The following CCDC88A variants were observed in gnomAD, a reference collection of about 807,000 sequenced individuals.
CCDC88A encodes girdin.
A neutral mutation model predicts 234.3 loss-of-function variants in CCDC88A; 54 were observed. The ratio of observed to expected loss-of-function variants is 0.23; its 90% confidence interval spans 0.19 to 0.29. CCDC88A has a LOEUF of 0.29. CCDC88A is among the 10% of genes least tolerant of loss of function. CCDC88A has a pLI of 1.00. For missense variants in CCDC88A, 1,832 were observed against 2,123.4 expected, an observed-to-expected ratio of 0.86 and a Z score of 2.70; for synonymous variants, 753 against 737.8, an observed-to-expected ratio of 1.02 and a Z score of -0.33.
At chr2:55,385,690 T>C (rs932205897) in intron 3 of CCDC88A, among the ~76,000 whole-genome samples, 1 of 149,038 alleles carries the variant, frequency 6.7e-6, no homozygotes, top group African/African-American at 2.5e-5. Context: ...ACACCTCTCA[T>C]AAAAATACAA....
intron 22 of CCDC88A, among the ~76,000 whole-genome samples, chr2:55,314,842 C>T (rs1426072245): frequency 6.6e-6 from 1 of 152,140 alleles, no homozygotes; most frequent in Non-Finnish European, 1.5e-5. Context: ...AACCACTATC[C>T]CTTCCCACCA....
intron 2 of CCDC88A, among the ~76,000 whole-genome samples, chr2:55,415,927 G>T (rs1481369326): frequency 1.5e-4 from 23 of 151,868 alleles, no homozygotes; most frequent in Non-Finnish European, 1.5e-5. Flanking sequence ...CAAGATTTTT[G>T]TATTTAATGG....
chr2:55,400,877 G>C (rs1678499663), intron 2 of CCDC88A, among the ~76,000 whole-genome samples: 1 of 152,102 alleles, frequency 6.6e-6, no homozygotes, highest in African/African-American at 2.4e-5. Flanking sequence ...ATAAATTTTT[G>C]AGATAATTTA....
intron 28 of CCDC88A, 58 bp from the exon 29 acceptor site, chr2:55,299,977 G>T: frequency 1.8e-6 from 2 of 1,102,814 alleles, no homozygotes; most frequent in Non-Finnish European, 2.8e-6. Flanking sequence ...ATGCTGATGA[G>T]CTTTTACATT....
At chr2:55,321,472 A>G (rs1683624456) in intron 18 of CCDC88A, among the ~76,000 whole-genome samples, 1 of 151,768 alleles carries the variant, frequency 6.6e-6, no homozygotes, top group South Asian at 2.1e-4. Flanking sequence ...AATGGGGTGA[A>G]CCTGGGAGGC....
chr2:55,393,136 T>A (rs1676918472), intron 2 of CCDC88A, among the ~76,000 whole-genome samples: 1 of 151,988 alleles, frequency 6.6e-6, no homozygotes, highest in East Asian at 1.9e-4. Context: ...AATTTTAAAA[T>A]CTCCCCACAG....
At position 55,336,627 on chromosome 2, in the gene CCDC88A, CTT is replaced by C. The variant is rs1457956255; in HGVS notation, c.1656+52_1656+53del. The C allele has an allele frequency of 5.3e-6, 6 of 1,129,458 alleles. No individual in the cohort carries two copies. In the African/African-American group the frequency reaches 9.8e-5, roughly 18 times the overall value. 70.0% of individuals were successfully genotyped at this position (1,129,458 alleles called of 1,614,324 possible). ...TTTTGTTTGCATATATTTTAAATAA[CTT>C]TTGCTAATAAATTTTAAAATACATT... is the stretch of plus-strand genomic sequence containing the variant. On this transcript the variant is annotated intron_variant, in intron 14 of 32. Coordinates refer to ENST00000436346, the MANE Select transcript of CCDC88A (RefSeq NM_001365480.1).
rs1257433347 is a variant in CCDC88A, at chr2:55,289,893, A to G, written c.*1307T>C. On this transcript the variant is annotated 3_prime_UTR_variant, in exon 33 of 33. Transcript: ENST00000436346. ...ATGGAATTATTCCAAAAAGTTCTTC[A>G]GAGCTGGTAATGAAAGCCTAAGAAG... The G allele has an allele frequency of 6.6e-6, 1 of 152,522 alleles. No homozygotes were observed. Among genetic ancestry groups the G allele is most frequent in the Non-Finnish European group, 1.5e-5 (1 of 67,984 alleles). The allele number at this position is 152,522 out of a possible 1,614,324, so 9.4% of individuals were successfully genotyped here. A position where few individuals can be genotyped will look rare whatever the true frequency, so the allele number is the denominator to read the frequency against.
chr2:55,381,552 C>CAA (rs5831359), intron 3 of CCDC88A, among the ~76,000 whole-genome samples: 72,256 of 93,672 alleles, frequency 0.77, 28,487 homozygotes, highest in Admixed American at 0.86. Context: ...GACCCTGTCT[C>CAA]AAAAAAAAAA....
Position 55,332,420 on chromosome 2 carries a change from C to A in CCDC88A, c.2855+146G>T. ...TATAGGTGTGAGCCACCGCACCCGG[C>A]TACAGAACTTTCCTTAAGGGAAGGA... is the stretch of plus-strand genomic sequence containing the variant. On this transcript the variant is annotated intron_variant, in intron 16 of 32. Transcript: ENST00000436346. The surrounding 1 kb of genome is among the most constrained non-coding windows in gnomAD (Gnocchi z 4.5). 7.5e-7 allele frequency: 1 copy of A among 1,333,740 alleles called. No individual in the cohort carries two copies. Among genetic ancestry groups the A allele is most frequent in the Non-Finnish European group, 9.6e-7 (1 of 1,040,734 alleles). 82.6% of individuals were successfully genotyped at this position (1,333,740 alleles called of 1,614,324 possible). A position where few individuals can be genotyped will look rare whatever the true frequency, so the allele number is the denominator to read the frequency against.
Position 55,339,638 on chromosome 2 carries a change from T to C in CCDC88A, c.1344A>G (p.Lys448=), listed in dbSNP as rs1459035474. The change falls in exon 13 of 33, where the codon AAA becomes AAG. Residue 448 remains lysine (K), a synonymous_variant. Transcript: ENST00000436346. ...RTSELSEAPQ[K]SLGHEVNELT... is the part of the protein sequence containing the mutation. ...ACTCATTCACCTCATGGCCCAGGGA[T>C]TTCTGGGGTGCTATAATATTGAAAA... The C allele has an allele frequency of 6.2e-7, 1 of 1,603,174 alleles. No individual in the cohort carries two copies. The highest frequency in any genetic ancestry group is 1.1e-5 in the South Asian group (1 of 88,426).
chr2:55,388,469 T>C (rs1021170932), intron 3 of CCDC88A: 15 of 162,878 alleles, frequency 9.2e-5, no homozygotes, highest in African/African-American at 3.6e-4. Context: ...GGAAGTACAC[T>C]TTTCAAAGGC....
intron 2 of CCDC88A, among the ~76,000 whole-genome samples, chr2:55,389,462 G>A (rs947905924): frequency 1.3e-5 from 2 of 152,086 alleles, no homozygotes; most frequent in Non-Finnish European, 2.9e-5. Context: ...GGGAAATTGC[G>A]GCACCTCCAC....
intron 2 of CCDC88A, among the ~76,000 whole-genome samples, chr2:55,403,015 A>G (rs1307563587): frequency 6.6e-6 from 1 of 152,150 alleles, no homozygotes; most frequent in Non-Finnish European, 1.5e-5. Flanking sequence ...TCTAAAAAAA[A>G]AAAACCACAT....
chr2:55,418,668 T>C (rs751571086), intron 2 of CCDC88A, 148 bp downstream of exon 2: 1 of 649,386 alleles, frequency 1.5e-6, no homozygotes, highest in Non-Finnish European at 2.7e-6. Flanking sequence ...GCCCATAACA[T>C]TAGCATTCCT....
chr2:55,417,897 C>G (rs1681744917), intron 2 of CCDC88A: 1 of 151,928 alleles, frequency 6.6e-6, no homozygotes, highest in Non-Finnish European at 1.5e-5. Context: ...CAAACTACCT[C>G]TTCTCATCAG....
intron 7 of CCDC88A, among the ~76,000 whole-genome samples, chr2:55,357,751 T>C (rs1670784194): frequency 6.6e-6 from 1 of 152,144 alleles, no homozygotes; most frequent in Non-Finnish European, 1.5e-5. Flanking sequence ...ATTCATTTCT[T>C]TATCCTCACA....
intron 2 of CCDC88A, among the ~76,000 whole-genome samples, chr2:55,400,191 C>G (rs1256268533): frequency 6.6e-6 from 1 of 152,016 alleles, no homozygotes; most frequent in Non-Finnish European, 1.5e-5. Context: ...TTATCAGGCT[C>G]TTTTTGAAAG....
chr2:55,306,419 T>C lies in CCDC88A; in HGVS notation c.4387+2390A>G, dbSNP rs939560929. On this transcript the variant is annotated intron_variant, in intron 25 of 32. Coordinates refer to ENST00000436346, the MANE Select transcript of CCDC88A (RefSeq NM_001365480.1). Reference sequence around the variant, plus strand: ...AATTTTATGTGGGGATATAGAATTATAAAACTGCTTGACACACACACACAC... The same window carrying C: ...AATTTTATGTGGGGATATAGAATTACAAAACTGCTTGACACACACACACAC... Among the ~76,000 whole-genome samples, 10 of 152,268 alleles carry C rather than the reference T, an allele frequency of 6.6e-5. No individual in the cohort carries two copies. The East Asian group carries it at 1.9e-3, about 29-fold the overall frequency.
Sources: allele counts gnomAD v4.1 joint callset (sites outside exome capture counted in the v4.1 genomes callset), GRCh38; gene constraint gnomAD v4.1.1; non-coding constraint Gnocchi (gnomAD v3.1); transcripts MANE v1.5; gene names NCBI Gene and HGNC (gene_info 2026-07-23, HGNC 2026-07-21).